CDK14: variants seen among roughly 807,000 people sequenced by gnomAD.
CDK14 encodes cyclin-dependent kinase 14.
In CDK14, 34 loss-of-function variants were observed where a neutral mutation model predicts 60.7. That is an observed-to-expected ratio of 0.56 (90% CI 0.43 to 0.75). The LOEUF is 0.75. CDK14 is among the 30% of genes least tolerant of loss of function. The probability of loss-of-function intolerance (pLI) is 0.00; values close to 1 mark genes in which losing one functional copy is unlikely to be tolerated. For synonymous variants in CDK14, 197 were observed against 203.7 expected (o/e 0.97, Z 0.28); for missense variants, 482 against 564.1 (o/e 0.85, Z 1.47).
chr7:90,951,855 T>G (rs1435137685), intron 8 of CDK14, among the ~76,000 whole-genome samples: 1 of 152,128 alleles, frequency 6.6e-6, no homozygotes, highest in Non-Finnish European at 1.5e-5. Context: ...CTATGCCTAG[T>G]AAGGAATTAC....
At chr7:91,153,142 G>C (rs1056003759) in intron 14 of CDK14, among the ~76,000 whole-genome samples, 1 of 152,168 alleles carries the variant, frequency 6.6e-6, no homozygotes, top group Admixed American at 6.5e-5. Context: ...ATGCAGACAT[G>C]CATTGAAAAA....
chr7:90,619,060 A>T (rs1799712061), intron 2 of CDK14, among the ~76,000 whole-genome samples: 1 of 152,196 alleles, frequency 6.6e-6, no homozygotes, highest in Non-Finnish European at 1.5e-5. Context: ...AGCATTTAAC[A>T]TACATTTGAG....
intron 6 of CDK14, among the ~76,000 whole-genome samples, chr7:90,874,697 T>G (rs1459555891): frequency 2.0e-5 from 3 of 149,860 alleles, no homozygotes; most frequent in Non-Finnish European, 4.4e-5. Flanking sequence ...CCCGGCTAAT[T>G]TTTTGTATTT....
chr7:90,642,725 C>T (rs946430201), intron 2 of CDK14, among the ~76,000 whole-genome samples: 1 of 151,970 alleles, frequency 6.6e-6, no homozygotes, highest in African/African-American at 2.4e-5. Flanking sequence ...TGCCATGTTA[C>T]TTTCTGAAGG....
chr7:90,865,398 A>T (rs1376864865), intron 6 of CDK14, among the ~76,000 whole-genome samples: 1 of 152,136 alleles, frequency 6.6e-6, no homozygotes, highest in Non-Finnish European at 1.5e-5. Flanking sequence ...ACAAGTTTCC[A>T]ATTGCTTGTT....
intron 5 of CDK14, among the ~76,000 whole-genome samples, chr7:90,804,922 C>G (rs1788765204): frequency 6.6e-6 from 1 of 152,020 alleles, no homozygotes. Flanking sequence ...TCCTACTTTG[C>G]CAATCTTTAA....
intron 4 of CDK14, among the ~76,000 whole-genome samples, chr7:90,757,964 G>A (rs992324261): frequency 2.0e-5 from 3 of 152,068 alleles, no homozygotes; most frequent in African/African-American, 7.2e-5. Flanking sequence ...AGCTTGAGGA[G>A]GAATAGAAAG....
At chr7:91,201,937 G>C (rs910275614) in intron 14 of CDK14, among the ~76,000 whole-genome samples, 10 of 152,134 alleles carry the variant, frequency 6.6e-5, no homozygotes, top group Admixed American at 3.3e-4. Context: ...GGTGTCAATG[G>C]GGTGCCTGCG....
At chr7:91,146,760 T>C (rs759499112) in intron 14 of CDK14, among the ~76,000 whole-genome samples, 1 of 152,198 alleles carries the variant, frequency 6.6e-6, no homozygotes, top group South Asian at 2.1e-4. Context: ...TACCCCACTT[T>C]TGTCCTTTGC....
At chr7:91,184,317 A>G (rs1188025283) in intron 14 of CDK14, among the ~76,000 whole-genome samples, 2 of 151,514 alleles carry the variant, frequency 1.3e-5, no homozygotes, top group Non-Finnish European at 2.9e-5. Context: ...AAGCTTCCAC[A>G]GTCTTAAGGT....
intron 2 of CDK14, among the ~76,000 whole-genome samples, chr7:90,671,821 A>G (rs1490866946): frequency 6.6e-6 from 1 of 152,222 alleles, no homozygotes; most frequent in Non-Finnish European, 1.5e-5. Flanking sequence ...ATGTAAAAAC[A>G]GAAACTAAAT....
At chr7:90,885,984 A>G (rs1294443728) in intron 6 of CDK14, among the ~76,000 whole-genome samples, 1 of 152,196 alleles carries the variant, frequency 6.6e-6, no homozygotes, top group African/African-American at 2.4e-5. Context: ...ACATATACCT[A>G]TGCAACAAAC....
At chr7:91,065,485 G>A (rs1188722258) in intron 11 of CDK14, among the ~76,000 whole-genome samples, 2 of 152,112 alleles carry the variant, frequency 1.3e-5, no homozygotes, top group African/African-American at 4.8e-5. Context: ...GAAAAGTCTG[G>A]CCCTCTTTAT....
chr7:90,819,035 G>A (rs1490026918), intron 5 of CDK14, among the ~76,000 whole-genome samples: 16 of 151,932 alleles, frequency 1.1e-4, no homozygotes, highest in Admixed American at 8.5e-4. Context: ...TGATAAACCC[G>A]TGTGTTGCTT....
intron 5 of CDK14, among the ~76,000 whole-genome samples, chr7:90,815,888 A>T (rs971801489): frequency 4.1e-5 from 6 of 146,156 alleles, no homozygotes; most frequent in Admixed American, 1.4e-4. Flanking sequence ...GGACACAGGG[A>T]GGGTAACTTC....
At chr7:91,187,404 A>G (rs940399213) in intron 14 of CDK14, among the ~76,000 whole-genome samples, 1 of 152,234 alleles carries the variant, frequency 6.6e-6, no homozygotes, top group African/African-American at 2.4e-5. Flanking sequence ...TTCACCATTA[A>G]TCCCATAATT....
chr7:90,971,855 G>C (rs998024280), intron 9 of CDK14, among the ~76,000 whole-genome samples: 22 of 152,016 alleles, frequency 1.4e-4, no homozygotes, highest in African/African-American at 3.9e-4. Context: ...AAGATTGTTG[G>C]GCTTCTCAGT....
At chr7:91,150,371 T>G (rs1249657524) in intron 14 of CDK14, among the ~76,000 whole-genome samples, 1 of 152,220 alleles carries the variant, frequency 6.6e-6, no homozygotes, top group Non-Finnish European at 1.5e-5. Flanking sequence ...GAAAGCTAGT[T>G]AGTCAATCCA....
chr7:91,103,994 C>T (rs1584064049), intron 12 of CDK14, among the ~76,000 whole-genome samples: 1 of 152,300 alleles, frequency 6.6e-6, no homozygotes, highest in East Asian at 1.9e-4. Flanking sequence ...ATAAGATTCT[C>T]ATACCACACA....
Sources: gnomAD v4.1 joint callset for allele counts (sites outside exome capture counted in the v4.1 genomes callset) on GRCh38, gnomAD v4.1.1 for gene constraint, MANE v1.5 for transcripts, NCBI Gene and HGNC (gene_info 2026-07-23, HGNC 2026-07-21) for gene names.